Variants in CELF2 observed in about 807,000 individuals in gnomAD.
CELF2 encodes CUGBP Elav-like family member 2, also known as CUG triplet repeat RNA-binding protein 2.
CELF2 carries 8 observed loss-of-function variants against 62.6 expected under a neutral mutation model. The observed-to-expected ratio is 0.13, with a 90% confidence interval of 0.07 to 0.23. The LOEUF is 0.23. Ranked by LOEUF, CELF2 falls within the 10% of genes least tolerant of loss-of-function variation. The pLI is 1.00. For synonymous variants in CELF2, 258 were observed against 250.0 expected (o/e 1.03, Z -0.30); for missense variants, 333 against 671.0 (o/e 0.50, Z 5.56).
At chr10:11,303,800 A>T (rs923811789) in intron 9 of CELF2, among the ~76,000 whole-genome samples, 4 of 152,218 alleles carry the variant, frequency 2.6e-5, no homozygotes, top group African/African-American at 9.6e-5. Context: ...TGACTTCCAC[A>T]TCAACATAAT....
chr10:11,178,349 G>C lies in CELF2; in HGVS notation c.271+12667G>C, dbSNP rs2072003240. Among the ~76,000 whole-genome samples, 1 of 152,224 alleles carries C rather than the reference G, an allele frequency of 6.6e-6. No individual in the cohort carries two copies. Among genetic ancestry groups the C allele is most frequent in the Non-Finnish European group, 1.5e-5 (1 of 68,050 alleles). ...TTAGCTGTTCTGCAAGTCCAGCACAGGGTGTATTCAGCTCTAGAGGTGGCA... is the reference window on the plus strand; with the variant it reads ...TTAGCTGTTCTGCAAGTCCAGCACACGGTGTATTCAGCTCTAGAGGTGGCA... On this transcript the variant is annotated intron_variant, in intron 2 of 12. Transcript: ENST00000633077. The surrounding 1 kb of genome is among the most constrained non-coding windows in gnomAD (Gnocchi z 4.3).
the CELF2 span, among the ~76,000 whole-genome samples, chr10:10,764,344 G>A: frequency 2.6e-5 from 4 of 152,164 alleles, no homozygotes; most frequent in East Asian, 5.8e-4. Context: ...ACATGGCGCC[G>A]ATCTCATACT....
At chr10:10,875,331 A>T (rs544984852) in intron 1 of CELF2, among the ~76,000 whole-genome samples, 9 of 152,328 alleles carry the variant, frequency 5.9e-5, no homozygotes, top group African/African-American at 2.2e-4. Flanking sequence ...GCATTTGTTT[A>T]GTTTTGGTTC....
At chr10:11,168,093 A>T (rs1158465790) in intron 2 of CELF2, among the ~76,000 whole-genome samples, 1 of 152,072 alleles carries the variant, frequency 6.6e-6, no homozygotes. Context: ...AAAGGAAGAA[A>T]TTTCATTCTT....
In CELF2 at chr10:11,169,833, A is replaced by AC. The variant is rs200057551; in HGVS notation, c.271+4153dup. 2.6e-5 allele frequency among the ~76,000 whole-genome samples: 4 copies of AC among 152,278 alleles called. No homozygotes were observed. In the East Asian group the frequency reaches 7.7e-4, roughly 29 times the overall value. On this transcript the variant is annotated intron_variant, in intron 2 of 12. Coordinates refer to ENST00000633077, the MANE Select transcript of CELF2 (RefSeq NM_001326342.2). ...GATAACTAAATTGGGCTCAGTGAAGACCAGGAGGCTTTGGCTTAACTGGGA... is the reference window on the plus strand; with the variant it reads ...GATAACTAAATTGGGCTCAGTGAAGACCCAGGAGGCTTTGGCTTAACTGGGA...
rs1045048794 is a variant in CELF2, at chr10:10,985,842, C to T, written c.89+65843C>T. On this transcript the variant is annotated intron_variant, in intron 2 of 13. Coordinates refer to the CELF2 transcript ENST00000636488. ...CACGTGGGCCTGATGACAGCCACAC[C>T]GATGATGACCCCATTCCTGGGCAGC... Among the ~76,000 whole-genome samples, 17 of 152,144 alleles carry T rather than the reference C, an allele frequency of 1.1e-4. 1 individual carries two copies. Among genetic ancestry groups the T allele is most frequent in the African/African-American group, 3.1e-4 (13 of 41,436 alleles).
intron 2 of CELF2, among the ~76,000 whole-genome samples, chr10:10,954,886 G>T (rs965187510): frequency 8.5e-5 from 13 of 152,096 alleles, no homozygotes; most frequent in Admixed American, 2.0e-4. Flanking sequence ...TATATCTTTT[G>T]TTCCAAAGGG....
intron 1 of CELF2, among the ~76,000 whole-genome samples, chr10:10,835,436 G>A (rs985054683): frequency 6.6e-6 from 1 of 151,010 alleles, no homozygotes; most frequent in African/African-American, 2.4e-5. Context: ...AGGCTGGAGT[G>A]CAGTGGCGCA....
intron 1 of CELF2, among the ~76,000 whole-genome samples, chr10:10,886,092 T>C (rs1367711677): frequency 6.6e-6 from 1 of 152,220 alleles, no homozygotes; most frequent in Non-Finnish European, 1.5e-5. Flanking sequence ...ATTAATATTC[T>C]ATCCAGGGTC....
the CELF2 span, among the ~76,000 whole-genome samples, chr10:10,612,889 T>C: frequency 2.6e-5 from 4 of 152,334 alleles, no homozygotes; most frequent in Non-Finnish European, 5.9e-5. Context: ...AGAAAGATCT[T>C]ACTTGGTGTC....
At chr10:10,789,836 T>C in the CELF2 span, among the ~76,000 whole-genome samples, 7 of 152,146 alleles carry the variant, frequency 4.6e-5, no homozygotes, top group African/African-American at 1.7e-4. Flanking sequence ...AATAGATCCA[T>C]ATATATTTCT....
chr10:10,548,176 C>A, the CELF2 span, among the ~76,000 whole-genome samples: 1 of 152,156 alleles, frequency 6.6e-6, no homozygotes, highest in African/African-American at 2.4e-5. Context: ...GGTCCCAGTT[C>A]CCTCGTCTCT....
intron 1 of CELF2, among the ~76,000 whole-genome samples, chr10:11,114,720 T>C (rs1305520361): frequency 3.3e-5 from 5 of 152,194 alleles, no homozygotes; most frequent in African/African-American, 1.2e-4. Context: ...ACTTGAGAAA[T>C]TGAAATGTAT....
chr10:10,698,723 C>A, the CELF2 span, among the ~76,000 whole-genome samples: 1 of 152,108 alleles, frequency 6.6e-6, no homozygotes, highest in Non-Finnish European at 1.5e-5. Flanking sequence ...TAGCGGTCAT[C>A]GATTTGTTAT....
At chr10:10,463,565 A>G in the CELF2 span, among the ~76,000 whole-genome samples, 1 of 152,234 alleles carries the variant, frequency 6.6e-6, no homozygotes, top group Admixed American at 6.5e-5. Flanking sequence ...AATGTTATAA[A>G]GAAGAAAAAA....
chr10:10,880,786 C>T (rs2061394431), intron 1 of CELF2, among the ~76,000 whole-genome samples: 1 of 152,132 alleles, frequency 6.6e-6, no homozygotes, highest in Non-Finnish European at 1.5e-5. Context: ...AATAGTTGGG[C>T]TAATTTCTGC....
At chr10:10,920,367 T>C (rs775046467) in intron 2 of CELF2, among the ~76,000 whole-genome samples, 1 of 152,204 alleles carries the variant, frequency 6.6e-6, no homozygotes, top group African/African-American at 2.4e-5. Context: ...TTTTCTTCAA[T>C]GTATTCAGTA....
intron 1 of CELF2, among the ~76,000 whole-genome samples, chr10:10,810,750 A>G (rs1222738915): frequency 1.3e-5 from 2 of 152,302 alleles, no homozygotes; most frequent in East Asian, 1.9e-4. Flanking sequence ...AAAGTTCCCA[A>G]TCATCGTTCA....
At chr10:10,623,085 CAAAAAAAAAAAAAAAAAAA>C in the CELF2 span, among the ~76,000 whole-genome samples, 29 of 57,226 alleles carry the variant, frequency 5.1e-4, no homozygotes, top group East Asian at 0.012. Flanking sequence ...GACTCCGTCT[CAAAAAAAAAAAAAAAAAAA>C]AAAAAAAAAA....
Sources: gnomAD v4.1 joint callset for allele counts (sites outside exome capture counted in the v4.1 genomes callset) on GRCh38, gnomAD v4.1.1 for gene constraint, Gnocchi (gnomAD v3.1) non-coding constraint, MANE v1.5 for transcripts, NCBI Gene and HGNC (gene_info 2026-07-23, HGNC 2026-07-21) for gene names.